PPARGC1A: variants seen among roughly 807,000 people sequenced by gnomAD.
PPARGC1A encodes the protein PPARG coactivator 1 alpha.
In PPARGC1A, 25 loss-of-function variants were observed where a neutral mutation model predicts 88.7. The ratio of observed to expected loss-of-function variants is 0.28; its 90% CI spans 0.21 to 0.39. The LOEUF (loss-of-function observed/expected upper bound fraction) is 0.39, where lower values mean the gene tolerates loss of function less well. Ranked by LOEUF, PPARGC1A falls within the 10% of genes least tolerant of loss-of-function variation. The probability of loss-of-function intolerance (pLI) is 1.00; values close to 1 mark genes in which losing one functional copy is unlikely to be tolerated. For synonymous variants in PPARGC1A, 363 were observed against 355.6 expected (o/e 1.02, Z -0.24); for missense variants, 880 against 968.7 (o/e 0.91, Z 1.22).
At chr4:24,255,656 T>C in the PPARGC1A span, among the ~76,000 whole-genome samples, 2 of 152,214 alleles carry the variant, frequency 1.3e-5, no homozygotes, top group African/African-American at 2.4e-5. Flanking sequence ...CTTTTAGGAA[T>C]GATGTTTCAT....
intron 2 of PPARGC1A, among the ~76,000 whole-genome samples, chr4:23,863,791 G>A (rs1207012793): frequency 1.3e-5 from 2 of 152,158 alleles, no homozygotes; most frequent in African/African-American, 4.8e-5. Context: ...CTGTCACCCA[G>A]GCTGGAGTGC....
the PPARGC1A span, among the ~76,000 whole-genome samples, chr4:24,415,959 A>T: frequency 1.3e-5 from 2 of 152,228 alleles, no homozygotes; most frequent in South Asian, 4.1e-4. Context: ...TAAAACATGT[A>T]CATGAATAGC....
the PPARGC1A span, among the ~76,000 whole-genome samples, chr4:24,313,317 C>A: frequency 6.6e-6 from 1 of 152,070 alleles, no homozygotes; most frequent in African/African-American, 2.4e-5. Context: ...AAGAGAGGCC[C>A]AGCTCAGATT....
At chr4:24,092,352 G>A in the PPARGC1A span, among the ~76,000 whole-genome samples, 1 of 152,116 alleles carries the variant, frequency 6.6e-6, no homozygotes, top group East Asian at 1.9e-4. Context: ...CACTTCACAT[G>A]CAGAATGATG....
the PPARGC1A span, among the ~76,000 whole-genome samples, chr4:24,401,884 C>A: frequency 6.6e-6 from 1 of 152,198 alleles, no homozygotes; most frequent in Non-Finnish European, 1.5e-5. Flanking sequence ...CTATTATTTA[C>A]TTTACAGATG....
At chr4:24,345,751 A>C in the PPARGC1A span, among the ~76,000 whole-genome samples, 4 of 152,046 alleles carry the variant, frequency 2.6e-5, no homozygotes, top group Non-Finnish European at 5.9e-5. Flanking sequence ...CTTCCTCTTT[A>C]CCGATTCGGA....
the PPARGC1A span, among the ~76,000 whole-genome samples, chr4:24,187,356 T>C: frequency 6.6e-6 from 1 of 152,196 alleles, no homozygotes; most frequent in African/African-American, 2.4e-5. Flanking sequence ...GCTGAGGAAT[T>C]TGGTAATTTG....
the PPARGC1A span, among the ~76,000 whole-genome samples, chr4:23,919,019 T>C: frequency 5.9e-5 from 9 of 152,168 alleles, no homozygotes; most frequent in East Asian, 1.3e-3. Flanking sequence ...ATGGTTAACA[T>C]TGAGTGCTTC....
At chr4:24,213,229 C>T in the PPARGC1A span, among the ~76,000 whole-genome samples, 1 of 147,288 alleles carries the variant, frequency 6.8e-6, no homozygotes, top group African/African-American at 2.5e-5. Context: ...TGCAGTGGCG[C>T]GATCTCGGCT....
At chr4:24,319,897 C>A in the PPARGC1A span, among the ~76,000 whole-genome samples, 1 of 151,986 alleles carries the variant, frequency 6.6e-6, no homozygotes, top group Non-Finnish European at 1.5e-5. Flanking sequence ...TCATTTTTTT[C>A]CTTCTTCTTC....
At chr4:24,407,450 G>A in the PPARGC1A span, among the ~76,000 whole-genome samples, 2 of 152,134 alleles carry the variant, frequency 1.3e-5, no homozygotes, top group African/African-American at 4.8e-5. Context: ...GAATGTTCTG[G>A]TAAAATCAAT....
chr4:23,889,802 C>T (rs1717545670), intron 1 of PPARGC1A, 102 bp downstream of exon 1: 1 of 1,403,868 alleles, frequency 7.1e-7, no homozygotes, highest in Admixed American at 2.1e-5. Context: ...GACTACTTTC[C>T]TGGCTCCTCT....
At chr4:23,840,485 C>T (rs1277798498) in intron 2 of PPARGC1A, among the ~76,000 whole-genome samples, 2 of 152,068 alleles carry the variant, frequency 1.3e-5, no homozygotes, top group African/African-American at 4.8e-5. Context: ...CATGGATTGC[C>T]CCTTTGTCCC....
At chr4:24,212,197 C>T in the PPARGC1A span, among the ~76,000 whole-genome samples, 7 of 152,290 alleles carry the variant, frequency 4.6e-5, no homozygotes, top group African/African-American at 9.6e-5. Context: ...CTTTGATCTT[C>T]GAGCACAATC....
At chr4:23,961,666 AG>A in the PPARGC1A span, among the ~76,000 whole-genome samples, 2 of 152,052 alleles carry the variant, frequency 1.3e-5, no homozygotes, top group Non-Finnish European at 2.9e-5. Context: ...TAATTGGGAC[AG>A]GTATTAAATG....
intron 2 of PPARGC1A, among the ~76,000 whole-genome samples, chr4:23,860,763 T>G (rs554692003): frequency 6.6e-6 from 1 of 152,032 alleles, no homozygotes; most frequent in South Asian, 2.1e-4. Context: ...GTCAAGGAAA[T>G]CTAAATAAAG....
chr4:24,342,052 C>G, the PPARGC1A span, among the ~76,000 whole-genome samples: 1 of 152,172 alleles, frequency 6.6e-6, no homozygotes, highest in Non-Finnish European at 1.5e-5. Flanking sequence ...CTTGTTTCCT[C>G]TTTTAGTACT....
At chr4:23,830,065 G>A (rs1306027858) in intron 3 of PPARGC1A, among the ~76,000 whole-genome samples, 2 of 152,068 alleles carry the variant, frequency 1.3e-5, no homozygotes, top group African/African-American at 4.8e-5. Flanking sequence ...ACATGGGAGT[G>A]GAGTGTGGGG....
chr4:24,251,737 G>A, the PPARGC1A span, among the ~76,000 whole-genome samples: 1 of 152,076 alleles, frequency 6.6e-6, no homozygotes, highest in Non-Finnish European at 1.5e-5. Context: ...TCTACAACAG[G>A]AGAGTCATGA....
Sources: allele counts gnomAD v4.1 joint callset (sites outside exome capture counted in the v4.1 genomes callset), GRCh38; gene constraint gnomAD v4.1.1; transcripts MANE v1.5; gene names NCBI Gene and HGNC (gene_info 2026-07-23, HGNC 2026-07-21).